CADPS: variants seen among roughly 807,000 people sequenced by gnomAD.
The protein encoded by CADPS is calcium-dependent secretion activator 1.
Under a neutral mutation model 167.3 loss-of-function variants are expected in CADPS, and 57 were observed. The ratio of observed to expected loss-of-function variants is 0.34; its 90% confidence interval spans 0.28 to 0.42. The LOEUF is 0.42. Ranked by LOEUF, CADPS falls within the 20% of genes least tolerant of loss-of-function variation. The pLI is 1.00. For synonymous variants in CADPS, 676 were observed against 635.3 expected, an observed-to-expected ratio of 1.06 and a Z score of -0.96; for missense variants, 1,414 against 1,738.1, an observed-to-expected ratio of 0.81 and a Z score of 3.32.
At chr3:62,413,494 ATAT>A (rs1209225500) in intron 28 of CADPS, among the ~76,000 whole-genome samples, 2 of 152,228 alleles carry the variant, frequency 1.3e-5, no homozygotes, top group African/African-American at 4.8e-5. Flanking sequence ...ACCCTTGAAG[ATAT>A]TATGCTAAAT....
At chr3:62,402,085 A>G (rs1283783464) in intron 29 of CADPS, among the ~76,000 whole-genome samples, 1 of 152,170 alleles carries the variant, frequency 6.6e-6, no homozygotes, top group African/African-American at 2.4e-5. Context: ...ACTGCTGTCT[A>G]TAACCTTTCC....
rs77761744 is a variant in CADPS at position 62,424,540 on chromosome 3, G to C, written c.3777+13564C>G. On this transcript the variant is annotated intron_variant, in intron 28 of 29. Transcript: ENST00000383710. ...GGATAGTGACACCTGGGGTTAAGTA[G>C]TGTGAAGCAAGAGTTCTAAAGTGTC... 5.9e-5 allele frequency among the ~76,000 whole-genome samples: 9 copies of C among 152,274 alleles called. No individual in the cohort carries two copies. In the East Asian group the frequency reaches 1.7e-3, roughly 29 times the overall value.
At chr3:62,495,747 G>T (rs2064623242) in intron 18 of CADPS, among the ~76,000 whole-genome samples, 1 of 152,186 alleles carries the variant, frequency 6.6e-6, no homozygotes, top group Non-Finnish European at 1.5e-5. Context: ...AACCATACAT[G>T]AAGGCATAAT....
At chr3:62,635,753 T>C (rs1174717875) in intron 6 of CADPS, among the ~76,000 whole-genome samples, 1 of 152,088 alleles carries the variant, frequency 6.6e-6, no homozygotes, top group Non-Finnish European at 1.5e-5. Context: ...ATTATCTTTA[T>C]GGTCATCAGT....
At chr3:62,750,449 A>T (rs888383071) in intron 3 of CADPS, among the ~76,000 whole-genome samples, 1 of 151,798 alleles carries the variant, frequency 6.6e-6, no homozygotes, top group African/African-American at 2.4e-5. Flanking sequence ...AATGGCAAAG[A>T]TTATGAAGGT....
intron 14 of CADPS, 72 bp from the exon 15 acceptor site, chr3:62,516,715 C>T: frequency 3.8e-6 from 4 of 1,040,228 alleles, no homozygotes; most frequent in Non-Finnish European, 4.4e-6. Context: ...CAATTTGATT[C>T]CTATAGCAAC....
intron 7 of CADPS, among the ~76,000 whole-genome samples, chr3:62,590,767 G>A (rs80274603): frequency 0.014 from 2,094 of 152,232 alleles, 37 homozygotes; most frequent in African/African-American, 0.048. Context: ...GAGGCTCAGA[G>A]AGATTCTCTG....
intron 3 of CADPS, among the ~76,000 whole-genome samples, chr3:62,750,152 A>G (rs2082369524): frequency 1.3e-5 from 2 of 151,750 alleles, no homozygotes; most frequent in African/African-American, 2.4e-5. Flanking sequence ...CAGAGTTTGA[A>G]ACCAGCCTGG....
At chr3:62,775,440 C>T (rs2090043707) in intron 1 of CADPS, among the ~76,000 whole-genome samples, 1 of 152,148 alleles carries the variant, frequency 6.6e-6, no homozygotes, top group Admixed American at 6.5e-5. Context: ...AATGTTCACA[C>T]ATTTCATCAC....
In CADPS at chr3:62,758,754, C is replaced by CAAATAAAT. The variant is rs1357571936; in HGVS notation, c.556-4989_556-4982dup. On this transcript the variant is annotated intron_variant, in intron 2 of 29. Transcript: ENST00000383710. ...GTCATAATGAGAGATGGAAGATAAA[C>CAAATAAAT]AAATAAATATGGAATTGTGAAGGAC... 3.3e-5 allele frequency among the ~76,000 whole-genome samples: 5 copies of CAAATAAAT among 152,174 alleles called. No individual in the cohort carries two copies. The East Asian group carries it at 9.6e-4, about 29-fold the overall frequency.
chr3:62,547,954 T>G (rs1031588860), intron 11 of CADPS, among the ~76,000 whole-genome samples: 1 of 152,126 alleles, frequency 6.6e-6, no homozygotes, highest in Non-Finnish European at 1.5e-5. Flanking sequence ...TTTCTTAATC[T>G]GGGCAGATGA....
chr3:62,816,794 CT>C (rs967175733), intron 1 of CADPS, among the ~76,000 whole-genome samples: 1 of 152,118 alleles, frequency 6.6e-6, no homozygotes, highest in Non-Finnish European at 1.5e-5. Flanking sequence ...AGTCATCACT[CT>C]TTTCACATTT....
intron 1 of CADPS, among the ~76,000 whole-genome samples, chr3:62,873,814 T>G (rs1414798327): frequency 6.6e-6 from 1 of 151,560 alleles, no homozygotes; most frequent in Admixed American, 6.6e-5. Context: ...AAGAGGAGAA[T>G]AGGGTCAAAG....
chr3:62,517,718 G>A (rs1446799681), intron 14 of CADPS, among the ~76,000 whole-genome samples: 2 of 152,080 alleles, frequency 1.3e-5, no homozygotes, highest in East Asian at 3.9e-4. Flanking sequence ...GCTGATGCAA[G>A]GTTCATTCTT....
intron 3 of CADPS, among the ~76,000 whole-genome samples, chr3:62,747,664 G>T (rs2081774266): frequency 6.6e-6 from 1 of 152,192 alleles, no homozygotes; most frequent in African/African-American, 2.4e-5. Flanking sequence ...AAATGCAAAG[G>T]TGTTTATAAA....
At chr3:62,539,092 T>G (rs2075264527) in intron 11 of CADPS, among the ~76,000 whole-genome samples, 1 of 152,192 alleles carries the variant, frequency 6.6e-6, no homozygotes, top group Admixed American at 6.6e-5. Context: ...CCTTCTTCCT[T>G]TCTTTCTTCT....
intron 9 of CADPS, among the ~76,000 whole-genome samples, chr3:62,569,052 T>G (rs1054859170): frequency 6.6e-6 from 1 of 152,192 alleles, no homozygotes; most frequent in Non-Finnish European, 1.5e-5. Context: ...TCTGAGGAAA[T>G]GTACCACAAG....
chr3:62,680,827 A>C (rs1169653180), intron 3 of CADPS, among the ~76,000 whole-genome samples: 4 of 152,062 alleles, frequency 2.6e-5, no homozygotes, highest in Non-Finnish European at 5.9e-5. Flanking sequence ...AAATAGTGAC[A>C]ATATTGGTGG....
chr3:62,685,363 T>C (rs1029302386), intron 3 of CADPS, among the ~76,000 whole-genome samples: 6 of 151,764 alleles, frequency 4.0e-5, no homozygotes, highest in Non-Finnish European at 7.4e-5. Flanking sequence ...AAAGAAACAA[T>C]GCGTAGAGTT....
Sources: gnomAD v4.1 joint callset for allele counts (sites outside exome capture counted in the v4.1 genomes callset) on GRCh38, gnomAD v4.1.1 for gene constraint, MANE v1.5 for transcripts, NCBI Gene and HGNC (gene_info 2026-07-23, HGNC 2026-07-21) for gene names.